AAR2: variants seen among roughly 807,000 people sequenced by gnomAD.
AAR2 encodes the protein protein AAR2 homolog.
A neutral mutation model predicts 26.9 loss-of-function variants in AAR2; 31 were observed. The observed-to-expected ratio is 1.15, with a 90% confidence interval of 0.86 to 1.55. The LOEUF is 1.55. Ranked by LOEUF, AAR2 falls within the 40% of genes most tolerant of loss-of-function variation. The probability of loss-of-function intolerance (pLI) is 0.00; values close to 1 mark genes in which losing one functional copy is unlikely to be tolerated. For synonymous variants in AAR2, 188 were observed against 196.1 expected (o/e 0.96, Z 0.34); for missense variants, 430 against 491.3 (o/e 0.88, Z 1.18).
At chr20:36,255,048 T>A (rs990290130) in intron 3 of AAR2, among the ~76,000 whole-genome samples, 14 of 152,182 alleles carry the variant, frequency 9.2e-5, no homozygotes, top group Non-Finnish European at 1.3e-4. Context: ...TGTCATAAAT[T>A]GAATGTAAGT....
intron 3 of AAR2, 38 bp from the exon 4 acceptor site, chr20:36,255,540 C>T (rs757823880): frequency 7.5e-6 from 12 of 1,610,208 alleles, no homozygotes; most frequent in African/African-American, 2.7e-5. Context: ...CCCTGCCCTC[C>T]GTCTTCTCAG....
chr20:36,240,320 A>C lies in AAR2; in HGVS notation c.452A>C (p.Glu151Ala). The C allele has an allele frequency of 6.2e-7, 1 of 1,614,234 alleles. No homozygotes were observed. Among genetic ancestry groups the C allele is most frequent in the Non-Finnish European group, 8.5e-7 (1 of 1,180,044 alleles). Residue 151 changes from glutamate to alanine, a missense_variant, in exon 2 of 4, where the codon GAG becomes GCG. Coordinates refer to ENST00000320849, the MANE Select transcript of AAR2 (RefSeq NM_001271874.2). ...GCCACAGTGGAGAAGCTACAGCCCG[A>C]GAATCGACAGATCTGTGCCTTTTCC... ...SEATVEKLQP[E>A]NRQICAFSDV...
At chr20:36,238,335 G>A (rs1047159841) in intron 1 of AAR2, among the ~76,000 whole-genome samples, 1 of 152,184 alleles carries the variant, frequency 6.6e-6, no homozygotes. Flanking sequence ...TTGCAGTTTG[G>A]TGAAACACAA....
At position 36,255,642 on chromosome 20, in the gene AAR2, TCCAAGCTCA is replaced by T. The variant is rs2064814155; in HGVS notation, c.1055_1063del (p.Gln352_His354del). On this transcript the variant is annotated inframe_deletion, in exon 4 of 4. Transcript: ENST00000320849. ...ACCCTGAGAAAGAAAGCTGAAAAGT[TCCAAGCTCA>T]CCTGACCAAGAAGTTCCGGTGGGAC... 6.2e-7 allele frequency: 1 copy of T among 1,614,064 alleles called. No individual in the cohort carries two copies. The highest frequency in any genetic ancestry group is 8.5e-7 in the Non-Finnish European group (1 of 1,180,040).
Position 36,240,407 on chromosome 20 carries a change from G to T in AAR2, c.539G>T (p.Arg180Leu). 1.2e-6 allele frequency: 2 copies of T among 1,614,206 alleles called. No individual in the cohort carries two copies. The highest frequency in any genetic ancestry group is 1.7e-6 in the Non-Finnish European group (2 of 1,180,054). ...GACCGCGTGGGGCAGAATCTACCCC[G>T]CTGTGGCATTGAGTGCAAAAGCTAC... ...TKDRVGQNLP[R>L]CGIECKSYQE... The change falls in exon 2 of 4, where the codon CGC (arginine) becomes CTC (leucine). Residue 180 changes from arginine to leucine, a missense_variant. Arg to Leu is a moderately radical substitution (Grantham distance 102, BLOSUM62 -2). Transcript: ENST00000320849.
chr20:36,245,169 G>A (rs2064722527), intron 3 of AAR2, among the ~76,000 whole-genome samples: 1 of 152,066 alleles, frequency 6.6e-6, no homozygotes, highest in African/African-American at 2.4e-5. Flanking sequence ...TGGGGTACTT[G>A]GATTTGAATT....
intron 1 of AAR2, among the ~76,000 whole-genome samples, chr20:36,238,601 C>G (rs2064642850): frequency 6.6e-6 from 1 of 151,814 alleles, no homozygotes; most frequent in South Asian, 2.1e-4. Context: ...ACTAAAAATA[C>G]AAAACTTAGC....
chr20:36,253,301 G>A lies in AAR2; in HGVS notation c.988-2277G>A, dbSNP rs551841328. On this transcript the variant is annotated intron_variant, in intron 3 of 3. Coordinates refer to ENST00000320849, the MANE Select transcript of AAR2 (RefSeq NM_001271874.2). ...CATGGTGGCCTGAAAGCCAACTGTGGCATGAGGGCGATGTGGATCAAAGAG... is the reference window on the plus strand; with the variant it reads ...CATGGTGGCCTGAAAGCCAACTGTGACATGAGGGCGATGTGGATCAAAGAG... Among the ~76,000 whole-genome samples, 11 of 152,308 alleles carry A rather than the reference G, an allele frequency of 7.2e-5. 1 individual carries two copies. The South Asian group carries it at 2.3e-3, about 32-fold the overall frequency.
rs1398604242 is a variant in AAR2 at position 36,244,904 on chromosome 20, A to G, written c.965A>G (p.Asn322Ser). The stretch of plus-strand genomic sequence containing the variant: ...TTCGTAGACATTGTCTCCCAAGACA[A>G]CTTCCTCACCAGCACCTTACAGGTG... ...DFFVDIVSQD[N>S]FLTSTLQVFF... Residue 322 changes from asparagine to serine, a missense_variant, in exon 3 of 4, where the codon AAC becomes AGC. Transcript: ENST00000320849. 5 of 1,613,964 alleles carry G rather than the reference A, an allele frequency of 3.1e-6. No individual in the cohort carries two copies. Among genetic ancestry groups the G allele is most frequent in the Admixed American group, 1.7e-5 (1 of 60,008 alleles).
chr20:36,252,227 C>T (rs927347785), intron 3 of AAR2, among the ~76,000 whole-genome samples: 1 of 152,190 alleles, frequency 6.6e-6, no homozygotes, highest in Non-Finnish European at 1.5e-5. Context: ...CCAGCATCAC[C>T]ATATCACTAT....
intron 1 of AAR2, among the ~76,000 whole-genome samples, chr20:36,237,807 G>A (rs1217012727): frequency 9.4e-5 from 13 of 138,480 alleles, no homozygotes. Flanking sequence ...ATTTTGAGAC[G>A]GAATTCGCTC....
chr20:36,255,672 G>C lies in AAR2; in HGVS notation c.1082G>C (p.Trp361Ser), dbSNP rs757733822. The part of the protein sequence containing the change: ...FQAHLTKKFR[W>S]DFAAEPEDCA... Reference sequence around the variant, plus strand: ...GCTCACCTGACCAAGAAGTTCCGGTGGGACTTTGCTGCGGAACCTGAGGAC... The same window carrying C: ...GCTCACCTGACCAAGAAGTTCCGGTCGGACTTTGCTGCGGAACCTGAGGAC... The change falls in exon 4 of 4, where the codon TGG becomes TCG. Residue 361 changes from tryptophan to serine, a missense_variant. By Grantham distance (177) the Trp-to-Ser change is radical. Coordinates refer to ENST00000320849, the MANE Select transcript of AAR2 (RefSeq NM_001271874.2). 8.7e-6 allele frequency: 14 copies of C among 1,614,172 alleles called. No individual in the cohort carries two copies. The highest frequency in any genetic ancestry group is 1.2e-5 in the Non-Finnish European group (14 of 1,180,046).
chr20:36,241,353 T>C (rs899891837), intron 2 of AAR2, among the ~76,000 whole-genome samples: 5 of 152,230 alleles, frequency 3.3e-5, no homozygotes, highest in African/African-American at 9.6e-5. Context: ...TTGAAGTATA[T>C]TATTACTTTG....
Position 36,240,538 on chromosome 20 carries a change from G to T in AAR2, c.670G>T (p.Glu224Ter). 1 of 1,613,962 alleles carries T rather than the reference G, an allele frequency of 6.2e-7. No individual in the cohort carries two copies. Among genetic ancestry groups the T allele is most frequent in the Non-Finnish European group, 8.5e-7 (1 of 1,180,052 alleles). Residue 224 changes from glutamate to a stop codon, truncating the protein, a stop_gained, in exon 2 of 4, where the codon GAG becomes TAG. Transcript: ENST00000320849. LOFTEE classifies it high-confidence loss of function. The stretch of plus-strand genomic sequence containing the variant: ...GTTCCCAGAGGGTGCCACGCCAGCT[G>T]AGATAACCAAGCACAGCATGGACCT... ...QMFPEGATPA[E>*]ITKHSMDLSY...
intron 1 of AAR2, among the ~76,000 whole-genome samples, chr20:36,238,165 A>G (rs2064637098): frequency 6.6e-6 from 1 of 152,182 alleles, no homozygotes; most frequent in Admixed American, 6.5e-5. Context: ...TTATGGCACA[A>G]CCAAGTATAC....
chr20:36,244,281 C>T (rs181263941), intron 2 of AAR2, among the ~76,000 whole-genome samples: 1 of 152,208 alleles, frequency 6.6e-6, no homozygotes, highest in Non-Finnish European at 1.5e-5. Context: ...CCCATCATCT[C>T]TCCTCCACCA....
chr20:36,253,120 G>T (rs1162330657), intron 3 of AAR2, among the ~76,000 whole-genome samples: 1 of 133,222 alleles, frequency 7.5e-6, no homozygotes, highest in Non-Finnish European at 1.6e-5. Context: ...CTACTCCAAC[G>T]GAATGGCTCC....
chr20:36,237,861 C>A lies in AAR2; in HGVS notation c.-49+1358C>A, dbSNP rs2064631536. ...GCAGTGGTGTGATCTCAGCTCACTGCAACCTCTGCCTCCCAGGTTCAAGCA... is the reference window on the plus strand; with the variant it reads ...GCAGTGGTGTGATCTCAGCTCACTGAAACCTCTGCCTCCCAGGTTCAAGCA... On this transcript the variant is annotated intron_variant, in intron 1 of 3. Transcript: ENST00000320849. Among the ~76,000 whole-genome samples, 3 of 151,538 alleles carry A rather than the reference C, an allele frequency of 2.0e-5. 1 individual carries two copies. The South Asian group carries it at 6.3e-4, about 32-fold the overall frequency.
intron 3 of AAR2, among the ~76,000 whole-genome samples, chr20:36,252,600 A>G (rs1314124702): frequency 6.6e-6 from 1 of 152,128 alleles, no homozygotes; most frequent in Admixed American, 6.5e-5. Flanking sequence ...AAAGCAGGAG[A>G]TGGAAAGGTG....
Sources: allele counts gnomAD v4.1 joint callset (sites outside exome capture counted in the v4.1 genomes callset), GRCh38; gene constraint gnomAD v4.1.1; transcripts MANE v1.5; gene names NCBI Gene and HGNC (gene_info 2026-07-23, HGNC 2026-07-21).